KAZN: variants seen among roughly 807,000 people sequenced by gnomAD.
KAZN encodes the protein kazrin.
A neutral mutation model predicts 87.4 loss-of-function variants in KAZN; 40 were observed. That is an observed-to-expected ratio of 0.46 (90% CI 0.36 to 0.60). The LOEUF (loss-of-function observed/expected upper bound fraction) is 0.60, where lower values mean the gene tolerates loss of function less well. Among genes scored for constraint, KAZN ranks in the 20% least tolerant of loss-of-function variants. The pLI is 0.00. For synonymous variants in KAZN, 466 were observed against 458.3 expected (o/e 1.02, Z -0.22); for missense variants, 898 against 1,073.9 (o/e 0.84, Z 2.29).
chr1:14,569,784 T>C (rs568191031), intron 2 of KAZN, among the ~76,000 whole-genome samples: 2 of 152,142 alleles, frequency 1.3e-5, no homozygotes, highest in Admixed American at 6.5e-5. Context: ...TGGGACCAGT[T>C]AGGAGCTGAA....
At chr1:14,928,899 G>C (rs6429691) in intron 1 of KAZN, among the ~76,000 whole-genome samples, 48,477 of 152,132 alleles carry the variant, frequency 0.32, 8,570 homozygotes, top group African/African-American at 0.46. Context: ...TTGTGGTCCA[G>C]TGTGATGGAC....
At chr1:14,319,576 C>A (rs1213975650) in intron 2 of KAZN, among the ~76,000 whole-genome samples, 1 of 152,172 alleles carries the variant, frequency 6.6e-6, no homozygotes, top group Non-Finnish European at 1.5e-5. Flanking sequence ...CCCTCAGATT[C>A]TCTGAACTCA....
chr1:14,472,775 T>G (rs1023404852), intron 2 of KAZN, among the ~76,000 whole-genome samples: 1 of 152,134 alleles, frequency 6.6e-6, no homozygotes, highest in Non-Finnish European at 1.5e-5. Flanking sequence ...TAAACTGGCT[T>G]TCCTTATTCT....
At chr1:13,924,957 G>T (rs1350645933) in intron 1 of KAZN, among the ~76,000 whole-genome samples, 1 of 152,120 alleles carries the variant, frequency 6.6e-6, no homozygotes, top group Non-Finnish European at 1.5e-5. Context: ...CCCATTTGAC[G>T]TGTACAATTC....
chr1:13,941,211 A>C (rs6701992), intron 1 of KAZN, among the ~76,000 whole-genome samples: 104,165 of 150,542 alleles, frequency 0.69, 36,074 homozygotes, highest in Admixed American at 0.76. Flanking sequence ...ACAACAACAA[A>C]AAAAAAACAA....
At position 14,825,904 on chromosome 1, in the gene KAZN, G is replaced by A. The variant is rs115612348; in HGVS notation, c.227-134780G>A. ...TCTCTGGTCCACACGCTCCAGGAGGGCACATTGATATCTCCAGCACTTAAC... is the reference window on the plus strand; with the variant it reads ...TCTCTGGTCCACACGCTCCAGGAGGACACATTGATATCTCCAGCACTTAAC... On this transcript the variant is annotated intron_variant, in intron 1 of 14. Coordinates refer to ENST00000376030, the MANE Select transcript of KAZN (RefSeq NM_201628.3). 4.3e-3 allele frequency among the ~76,000 whole-genome samples: 659 copies of A among 152,310 alleles called. 3 individuals carry two copies. The highest frequency in any genetic ancestry group is 0.015 in the African/African-American group (614 of 41,556).
chr1:14,273,281 T>G (rs980015603), intron 2 of KAZN, among the ~76,000 whole-genome samples: 1 of 152,052 alleles, frequency 6.6e-6, no homozygotes, highest in Non-Finnish European at 1.5e-5. Flanking sequence ...AGGTATGAGT[T>G]GTCAAGCAGG....
At chr1:15,079,589 A>C (rs1003095885) in intron 8 of KAZN, among the ~76,000 whole-genome samples, 4 of 152,088 alleles carry the variant, frequency 2.6e-5, no homozygotes, top group African/African-American at 7.2e-5. Context: ...GTACAGATGC[A>C]CACGTGCCCG....
chr1:14,551,242 C>T (rs1010565338), intron 2 of KAZN, among the ~76,000 whole-genome samples: 6 of 152,154 alleles, frequency 3.9e-5, no homozygotes, highest in East Asian at 3.9e-4. Flanking sequence ...ATTTCACCTG[C>T]GCTGCTAATT....
At chr1:14,606,502 A>T (rs541131975) in intron 1 of KAZN, among the ~76,000 whole-genome samples, 2 of 152,242 alleles carry the variant, frequency 1.3e-5, no homozygotes, top group South Asian at 4.2e-4. Context: ...CTGGACTTGG[A>T]GCCTCCAATT....
intron 1 of KAZN, among the ~76,000 whole-genome samples, chr1:14,958,994 C>T (rs1663515824): frequency 6.6e-6 from 1 of 152,250 alleles, no homozygotes; most frequent in Non-Finnish European, 1.5e-5. Flanking sequence ...AAAACAGACT[C>T]AAGTTCCCGC....
intron 2 of KAZN, among the ~76,000 whole-genome samples, chr1:14,514,598 TA>T (rs1671190591): frequency 3.2e-5 from 1 of 30,872 alleles, no homozygotes; most frequent in Non-Finnish European, 4.9e-5. Flanking sequence ...TTATATTTTA[TA>T]TATATATATA....
intron 3 of KAZN, 47 bp downstream of exon 3, chr1:15,034,932 C>T: frequency 1.2e-6 from 2 of 1,605,998 alleles, no homozygotes; most frequent in Non-Finnish European, 1.7e-6. Flanking sequence ...ACACCAGCTC[C>T]CACCTCCCCT....
At chr1:14,185,202 G>A (rs964627068) in intron 2 of KAZN, among the ~76,000 whole-genome samples, 2 of 152,138 alleles carry the variant, frequency 1.3e-5, no homozygotes, top group Non-Finnish European at 2.9e-5. Context: ...CCATGATGGA[G>A]AAAGAATTAG....
chr1:14,341,080 G>C lies in KAZN; in HGVS notation c.249+160488G>C, dbSNP rs1354122382. Among the ~76,000 whole-genome samples, 6 of 151,632 alleles carry C rather than the reference G, an allele frequency of 4.0e-5. No homozygotes were observed. In the East Asian group the frequency reaches 1.2e-3, roughly 30 times the overall value. On this transcript the variant is annotated intron_variant, in intron 2 of 16. Coordinates refer to the KAZN transcript ENST00000636203. ...TTTTTGTATTTTTAGTAGAGATTGG[G>C]GGGGGTTTCACCATGTTGGCCAGGC...
chr1:13,910,232 G>C (rs1286748938), intron 1 of KAZN, among the ~76,000 whole-genome samples: 5 of 152,166 alleles, frequency 3.3e-5, no homozygotes, highest in Non-Finnish European at 5.9e-5. Flanking sequence ...ACACAGGCTG[G>C]GTGTGGTGGC....
At chr1:15,071,585 A>G (rs1313466659) in intron 8 of KAZN, among the ~76,000 whole-genome samples, 4 of 152,206 alleles carry the variant, frequency 2.6e-5, no homozygotes, top group South Asian at 2.1e-4. Context: ...CTGAACCACA[A>G]TTGGATGATG....
At chr1:15,075,492 C>T (rs1639697642) in intron 8 of KAZN, among the ~76,000 whole-genome samples, 1 of 152,194 alleles carries the variant, frequency 6.6e-6, no homozygotes, top group African/African-American at 2.4e-5. Flanking sequence ...CGACTGGAAA[C>T]TATTGGGACA....
intron 1 of KAZN, among the ~76,000 whole-genome samples, chr1:13,990,012 T>C (rs948664098): frequency 1.3e-5 from 2 of 152,232 alleles, no homozygotes; most frequent in African/African-American, 4.8e-5. Context: ...GTACAGAGAA[T>C]GTGTTACAGA....
Sources: gnomAD v4.1 joint callset for allele counts (sites outside exome capture counted in the v4.1 genomes callset) on GRCh38, gnomAD v4.1.1 for gene constraint, MANE v1.5 for transcripts, NCBI Gene and HGNC (gene_info 2026-07-23, HGNC 2026-07-21) for gene names.